Variants in RAB27B observed in about 807,000 individuals in gnomAD.
The protein encoded by RAB27B is ras-related protein Rab-27B.
A neutral mutation model predicts 24.6 loss-of-function variants in RAB27B; 15 were observed. The ratio of observed to expected loss-of-function variants is 0.61; its 90% CI spans 0.41 to 0.94. The LOEUF is 0.94. Ranked by LOEUF, RAB27B falls within the 40% of genes least tolerant of loss-of-function variation. RAB27B has a pLI of 0.00. For missense variants in RAB27B, 261 were observed against 266.8 expected (o/e 0.98, Z 0.15); for synonymous variants, 105 against 92.5 (o/e 1.14, Z -0.78).
intron 2 of RAB27B, among the ~76,000 whole-genome samples, chr18:54,795,939 C>T (rs1909402279): frequency 6.6e-6 from 1 of 151,978 alleles, no homozygotes; most frequent in Admixed American, 6.6e-5. Context: ...TTTAGTGTAC[C>T]ATTTAATAAG....
At position 54,855,833 on chromosome 18, in the gene RAB27B, T is replaced by G. The variant is rs1911763178; in HGVS notation, c.-19-21734T>G. Among the ~76,000 whole-genome samples, 2 of 152,240 alleles carry G rather than the reference T, an allele frequency of 1.3e-5. 1 individual carries two copies. Among genetic ancestry groups the G allele is most frequent in the South Asian group, 4.1e-4 (2 of 4,830 alleles). ...ACAAGGTACCTTTGAGTAAAGATGC[T>G]TTTTCTTATATAAAGTGCAGTATTC... On this transcript the variant is annotated intron_variant, in intron 1 of 5. Coordinates refer to ENST00000262094, the MANE Select transcript of RAB27B (RefSeq NM_004163.4).
chr18:54,728,903 C>CAAAAAAAAAAAAAAAAAAAAAAAAAACAA (rs58878407), intron 2 of RAB27B, among the ~76,000 whole-genome samples: 1 of 68,252 alleles, frequency 1.5e-5, no homozygotes, highest in Non-Finnish European at 2.5e-5. Flanking sequence ...AAAAAAAACC[C>CAAAAAAAAAAAAAAAAAAAAAAAAAACAA]AAAAAAAAAA....
intron 1 of RAB27B, among the ~76,000 whole-genome samples, chr18:54,846,828 T>A (rs1041123818): frequency 6.6e-6 from 1 of 152,116 alleles, no homozygotes; most frequent in African/African-American, 2.4e-5. Flanking sequence ...AAAATAGAAA[T>A]GGACTTCACA....
At chr18:54,798,090 CTCTT>C (rs993623875) in intron 2 of RAB27B, among the ~76,000 whole-genome samples, 14 of 152,106 alleles carry the variant, frequency 9.2e-5, no homozygotes, top group Admixed American at 6.6e-4. Flanking sequence ...CAACTGACTT[CTCTT>C]TCTTTTTCTC....
At chr18:54,730,924 C>A (rs7228682) in intron 2 of RAB27B, among the ~76,000 whole-genome samples, 128,805 of 152,216 alleles carry the variant, frequency 0.85, 55,014 homozygotes, top group African/African-American at 0.96. Context: ...CTGTTTTTCT[C>A]TCTGTGAAAG....
chr18:54,807,403 C>A (rs1194085300), intron 2 of RAB27B, among the ~76,000 whole-genome samples: 2 of 152,114 alleles, frequency 1.3e-5, no homozygotes, highest in East Asian at 3.9e-4. Flanking sequence ...TAGCAGTGGG[C>A]AGAAGTGTTG....
intron 1 of RAB27B, among the ~76,000 whole-genome samples, chr18:54,843,200 G>C (rs184728187): frequency 1.5e-3 from 228 of 152,262 alleles, no homozygotes; most frequent in African/African-American, 5.4e-3. Flanking sequence ...TGTCAGCAAG[G>C]AACATAACCT....
At chr18:54,767,529 A>C (rs1292131759) in intron 2 of RAB27B, among the ~76,000 whole-genome samples, 1 of 152,210 alleles carries the variant, frequency 6.6e-6, no homozygotes, top group Non-Finnish European at 1.5e-5. Flanking sequence ...AATATAGGAA[A>C]GAACTCTTTG....
intron 2 of RAB27B, among the ~76,000 whole-genome samples, chr18:54,767,720 T>C (rs954304665): frequency 6.6e-6 from 1 of 152,166 alleles, no homozygotes; most frequent in Non-Finnish European, 1.5e-5. Flanking sequence ...CCTTGATTAT[T>C]TTGCCTGTTT....
At chr18:54,751,618 A>T (rs1907834082) in intron 2 of RAB27B, among the ~76,000 whole-genome samples, 2 of 152,196 alleles carry the variant, frequency 1.3e-5, no homozygotes. Flanking sequence ...GCCCCTACAA[A>T]ACTCAGAAGT....
chr18:54,814,171 C>A (rs12966541), intron 2 of RAB27B, among the ~76,000 whole-genome samples: 2 of 152,046 alleles, frequency 1.3e-5, no homozygotes, highest in African/African-American at 4.8e-5. Context: ...TTAGGGACAG[C>A]AAACTCTCTC....
At chr18:54,854,775 G>A (rs911369951) in intron 1 of RAB27B, among the ~76,000 whole-genome samples, 3 of 152,084 alleles carry the variant, frequency 2.0e-5, no homozygotes, top group Non-Finnish European at 4.4e-5. Context: ...TACATATAAT[G>A]TGAGTTATTT....
chr18:54,888,093 G>A lies in RAB27B; in HGVS notation c.442G>A (p.Ala148Thr), dbSNP rs773331315. 53 of 1,612,804 alleles carry A rather than the reference G, an allele frequency of 3.3e-5. No individual in the cohort carries two copies. The highest frequency in any genetic ancestry group is 1.6e-4 in the Middle Eastern group (1 of 6,076). Residue 148 changes from alanine (A) to threonine (T), a missense_variant, in exon 5 of 6, where the codon GCT becomes ACT. Coordinates refer to ENST00000262094, the MANE Select transcript of RAB27B (RefSeq NM_004163.4). ...PDQREVNERQ[A>T]RELADKYGIP... is the part of the protein sequence containing the mutation. The stretch of plus-strand genomic sequence containing the variant: ...TCAGAGGGAAGTCAATGAACGGCAA[G>A]CTCGGGAACTGGCTGACAAATATGG...
At chr18:54,866,108 G>C (rs532164375) in intron 1 of RAB27B, among the ~76,000 whole-genome samples, 5,477 of 151,990 alleles carry the variant, frequency 0.036, 335 homozygotes, top group African/African-American at 0.13. Context: ...AAAAAAAACA[G>C]AATCACTATG....
intron 2 of RAB27B, among the ~76,000 whole-genome samples, chr18:54,772,384 T>C (rs1908578330): frequency 6.6e-6 from 1 of 152,196 alleles, no homozygotes; most frequent in African/African-American, 2.4e-5. Context: ...CATGTGCAAA[T>C]GAAGACTGGG....
chr18:54,815,298 GA>G (rs1189562396), intron 2 of RAB27B, among the ~76,000 whole-genome samples: 1 of 152,174 alleles, frequency 6.6e-6, no homozygotes, highest in African/African-American at 2.4e-5. Context: ...ACAACTTGCA[GA>G]GGATCCTCCC....
At chr18:54,731,266 T>C (rs1909722396) in intron 2 of RAB27B, among the ~76,000 whole-genome samples, 1 of 152,222 alleles carries the variant, frequency 6.6e-6, no homozygotes, top group Non-Finnish European at 1.5e-5. Context: ...TAGCCTAAAA[T>C]GTATTAACAG....
At chr18:54,753,119 A>G (rs1428200510) in intron 2 of RAB27B, among the ~76,000 whole-genome samples, 3 of 152,180 alleles carry the variant, frequency 2.0e-5, no homozygotes, top group African/African-American at 7.2e-5. Context: ...AAGAGCCATC[A>G]CAGGTAATTA....
At chr18:54,770,238 A>G (rs1471897784) in intron 2 of RAB27B, among the ~76,000 whole-genome samples, 1 of 152,162 alleles carries the variant, frequency 6.6e-6, no homozygotes, top group African/African-American at 2.4e-5. Flanking sequence ...ACAGGGCCAC[A>G]TAGCAGGAGG....
Sources: allele counts gnomAD v4.1 joint callset (sites outside exome capture counted in the v4.1 genomes callset), GRCh38; gene constraint gnomAD v4.1.1; transcripts MANE v1.5; gene names NCBI Gene and HGNC (gene_info 2026-07-23, HGNC 2026-07-21).